Variants in RFX2 observed in about 807,000 individuals in gnomAD.
RFX2 encodes the protein regulatory factor X2.
A neutral mutation model predicts 87.8 loss-of-function variants in RFX2; 20 were observed. That is an observed-to-expected ratio of 0.23 (90% CI 0.16 to 0.33). The LOEUF (loss-of-function observed/expected upper bound fraction) is 0.33. Ranked by LOEUF, RFX2 falls within the 10% of genes least tolerant of loss-of-function variation. The pLI is 1.00. For missense variants in RFX2, 767 were observed against 1,012.3 expected (o/e 0.76, Z 3.29); for synonymous variants, 397 against 431.3 (o/e 0.92, Z 0.98).
chr19:5,996,279 C>T (rs569452924), intron 16 of RFX2, among the ~76,000 whole-genome samples: 5 of 152,408 alleles, frequency 3.3e-5, no homozygotes, highest in East Asian at 1.9e-4. Flanking sequence ...CACACGCCCA[C>T]GCAGCCCCGT....
At chr19:6,030,621 T>A (rs1247175661) in intron 5 of RFX2, among the ~76,000 whole-genome samples, 2 of 152,160 alleles carry the variant, frequency 1.3e-5, no homozygotes, top group African/African-American at 4.8e-5. Context: ...GAGTGGCTGC[T>A]AGTGGGGATG....
At position 6,008,675 on chromosome 19, in the gene RFX2, A is replaced by AT. The variant is rs1284518775; in HGVS notation, c.1016-452dup. On this transcript the variant is annotated intron_variant, in intron 9 of 17. Coordinates refer to ENST00000303657, the MANE Select transcript of RFX2 (RefSeq NM_000635.4). ...CAGGCGTGAGCCACCATGCCCGGCC[A>AT]TTTTTTTTTTTTTTTTTTTTGAGAT... Among the ~76,000 whole-genome samples the AT allele has an allele frequency of 8.3e-3, 654 of 79,246 alleles. 4 individuals carry two copies. The highest frequency in any genetic ancestry group is 0.019 in the East Asian group (53 of 2,804). The allele number at this position is 79,246 out of a possible 152,430, so 52.0% of individuals were successfully genotyped here.
At chr19:6,089,462 C>G (rs559428477) in intron 1 of RFX2, among the ~76,000 whole-genome samples, 1 of 152,264 alleles carries the variant, frequency 6.6e-6, no homozygotes, top group Admixed American at 6.5e-5. Context: ...TTGTGTCCCC[C>G]CAAAACTCAC....
intron 1 of RFX2, among the ~76,000 whole-genome samples, chr19:6,091,110 G>A (rs1041702857): frequency 2.0e-5 from 3 of 152,154 alleles, no homozygotes; most frequent in Non-Finnish European, 4.4e-5. Context: ...TGATGGAAAT[G>A]TTCTGGAATT....
At chr19:6,096,510 G>C (rs1054621506) in intron 1 of RFX2, among the ~76,000 whole-genome samples, 1 of 152,014 alleles carries the variant, frequency 6.6e-6, no homozygotes, top group Non-Finnish European at 1.5e-5. Context: ...GCAGTGGCGC[G>C]ATCTCGGCTC....
chr19:6,002,584 G>T lies in RFX2; in HGVS notation c.1650+137C>A. 2.8e-6 allele frequency: 3 copies of T among 1,068,090 alleles called. No individual in the cohort carries two copies. Among genetic ancestry groups the T allele is most frequent in the Non-Finnish European group, 4.1e-6 (3 of 730,902 alleles). 66.2% of individuals were successfully genotyped at this position (1,068,090 alleles called of 1,614,324 possible). On this transcript the variant is annotated intron_variant, in intron 14 of 17. Coordinates refer to ENST00000303657, the MANE Select transcript of RFX2 (RefSeq NM_000635.4). The surrounding 1 kb of genome is among the most constrained non-coding windows in gnomAD (Gnocchi z 6.7). Reference sequence around the variant, plus strand: ...GGGCTGTGGGTGGGCTTTGGCCTGGGACCCGTGTCATGCAACAGAACCGTG... The same window carrying T: ...GGGCTGTGGGTGGGCTTTGGCCTGGTACCCGTGTCATGCAACAGAACCGTG...
chr19:6,102,690 C>T (rs1000443838), intron 1 of RFX2, among the ~76,000 whole-genome samples: 2 of 152,210 alleles, frequency 1.3e-5, no homozygotes, highest in African/African-American at 2.4e-5. Context: ...AACCCCACAG[C>T]GCTGGTTCCC....
rs909694223 is a variant in RFX2 at position 6,007,683 on chromosome 19, C to T, written c.1247+7G>A. 3.9e-6 allele frequency: 6 copies of T among 1,528,562 alleles called. No individual in the cohort carries two copies. In the African/African-American group the frequency reaches 4.1e-5, roughly 11 times the overall value. 94.7% of individuals were successfully genotyped at this position (1,528,562 alleles called of 1,614,324 possible). On this transcript the variant is annotated splice_region_variant and intron_variant, in intron 11 of 17. Coordinates refer to ENST00000303657, the MANE Select transcript of RFX2 (RefSeq NM_000635.4). The surrounding 1 kb of genome is among the most constrained non-coding windows in gnomAD (Gnocchi z 8.2). ...GGCTGTGAACCCAGCCAGGGTGTGG[C>T]AGTCACCTGGCAGGAAGAGAGGTGG...
chr19:6,101,316 A>AT lies in RFX2; in HGVS notation c.-9+9076dup, dbSNP rs1366464367. On this transcript the variant is annotated intron_variant, in intron 1 of 17. Transcript: ENST00000303657. The surrounding 1 kb of genome is among the most constrained non-coding windows in gnomAD (Gnocchi z 4.9). ...TCAGTGGGTCTGGAATTCCAAATAT[A>AT]TTTTTTCTCAAGGCAGGCTACATCT... is the stretch of plus-strand genomic sequence containing the variant. Among the ~76,000 whole-genome samples, 1 of 152,150 alleles carries AT rather than the reference A, an allele frequency of 6.6e-6. No homozygotes were observed. The highest frequency in any genetic ancestry group is 1.5e-5 in the Non-Finnish European group (1 of 68,024).
intron 1 of RFX2, among the ~76,000 whole-genome samples, chr19:6,105,606 C>T (rs184951172): frequency 1.2e-4 from 18 of 152,182 alleles, no homozygotes; most frequent in Admixed American, 9.2e-4. Context: ...TAACAGGCCC[C>T]GTCTGGCTGC....
Position 6,007,639 on chromosome 19 carries a change from A to AG in RFX2, c.1247+50dup. On this transcript the variant is annotated intron_variant, in intron 11 of 17. Transcript: ENST00000303657. The surrounding 1 kb of genome is among the most constrained non-coding windows in gnomAD (Gnocchi z 8.2). ...TTGTGGGTTACCTGTGGACGTCAGC[A>AG]GGGGGTTAAGTCTGGGGTGGCTGTG... 3 of 1,096,590 alleles carry AG rather than the reference A, an allele frequency of 2.7e-6. No individual in the cohort carries two copies. The highest frequency in any genetic ancestry group is 2.7e-6 in the Non-Finnish European group (2 of 733,038). 67.9% of individuals were successfully genotyped at this position (1,096,590 alleles called of 1,614,324 possible).
chr19:6,025,929 G>A (rs1414691262), intron 6 of RFX2, among the ~76,000 whole-genome samples: 1 of 151,732 alleles, frequency 6.6e-6, no homozygotes, highest in Non-Finnish European at 1.5e-5. Flanking sequence ...GGGATTACAG[G>A]CGCCCACCAC....
At chr19:6,071,622 G>A (rs2087607931) in intron 1 of RFX2, among the ~76,000 whole-genome samples, 1 of 152,168 alleles carries the variant, frequency 6.6e-6, no homozygotes, top group African/African-American at 2.4e-5. Context: ...CCCCATGAAA[G>A]TTTCAACCCC....
intron 2 of RFX2, among the ~76,000 whole-genome samples, chr19:6,046,930 A>ATT (rs558543579): frequency 2.2e-5 from 3 of 137,308 alleles, no homozygotes; most frequent in African/African-American, 2.7e-5. Flanking sequence ...CGCTTGGCTA[A>ATT]TTTTTTTTTT....
At position 6,027,636 on chromosome 19, in the gene RFX2, C is replaced by G. The variant is rs1425720243; in HGVS notation, c.523-1399G>C. Among the ~76,000 whole-genome samples, 1 of 152,198 alleles carries G rather than the reference C, an allele frequency of 6.6e-6. No homozygotes were observed. The highest frequency in any genetic ancestry group is 2.4e-5 in the African/African-American group (1 of 41,448). ...TCAGGGGGCCTTGTCCAGTGCCCAG[C>G]AGACTGGGAAGGAGAAGAAAACACT... On this transcript the variant is annotated intron_variant, in intron 5 of 17. Transcript: ENST00000303657. This position sits in a 1 kb window ranked among gnomAD's most constrained non-coding sequence, Gnocchi z 5.0.
rs1366363837 is a variant in RFX2 at position 6,056,379 on chromosome 19, A to C, written c.-8-8875T>G. Among the ~76,000 whole-genome samples, 1 of 152,200 alleles carries C rather than the reference A, an allele frequency of 6.6e-6. No individual in the cohort carries two copies. The highest frequency in any genetic ancestry group is 1.5e-5 in the Non-Finnish European group (1 of 68,034). ...GATAAGGAGTTAAACAAACACACACACAAGACACCAGCGATGAGCAGGAGT... is the reference window on the plus strand; with the variant it reads ...GATAAGGAGTTAAACAAACACACACCCAAGACACCAGCGATGAGCAGGAGT... On this transcript the variant is annotated intron_variant, in intron 1 of 17. Coordinates refer to ENST00000303657, the MANE Select transcript of RFX2 (RefSeq NM_000635.4). The surrounding 1 kb of genome is among the most constrained non-coding windows in gnomAD (Gnocchi z 4.6).
At chr19:6,060,293 G>A (rs1416584799) in intron 1 of RFX2, among the ~76,000 whole-genome samples, 1 of 152,140 alleles carries the variant, frequency 6.6e-6, no homozygotes, top group Non-Finnish European at 1.5e-5. Context: ...CAGCAGAGGC[G>A]AGGAGCTGAG....
intron 12 of RFX2, among the ~76,000 whole-genome samples, chr19:6,006,092 C>G (rs912332928): frequency 1.3e-5 from 2 of 152,224 alleles, no homozygotes; most frequent in East Asian, 3.8e-4. Context: ...GTGACCTTCC[C>G]CTCGAGTCAG....
rs2086596461 is a variant in RFX2, at chr19:6,007,285, G to C, written c.1248-119C>G. ...TGCCCAACAGTGGGGCTGGGGTTTTGCTCCCCATCCCTGAGCCTCGATGGG... is the reference window on the plus strand; with the variant it reads ...TGCCCAACAGTGGGGCTGGGGTTTTCCTCCCCATCCCTGAGCCTCGATGGG... On this transcript the variant is annotated intron_variant, in intron 11 of 17. Coordinates refer to ENST00000303657, the MANE Select transcript of RFX2 (RefSeq NM_000635.4). This position sits in a 1 kb window ranked among gnomAD's most constrained non-coding sequence, Gnocchi z 8.2. 3 of 1,050,398 alleles carry C rather than the reference G, an allele frequency of 2.9e-6. No individual in the cohort carries two copies. The highest frequency in any genetic ancestry group is 4.8e-5 in the Admixed American group (2 of 41,286). 65.1% of individuals were successfully genotyped at this position (1,050,398 alleles called of 1,614,324 possible).
Sources: allele counts gnomAD v4.1 joint callset (sites outside exome capture counted in the v4.1 genomes callset), GRCh38; gene constraint gnomAD v4.1.1; non-coding constraint Gnocchi (gnomAD v3.1); transcripts MANE v1.5; gene names NCBI Gene and HGNC (gene_info 2026-07-23, HGNC 2026-07-21).